Variants in SLIT2 observed in about 807,000 individuals in gnomAD.
The protein encoded by SLIT2 is slit homolog 2 protein.
Under a neutral mutation model 185.7 loss-of-function variants are expected in SLIT2, and 41 were observed. The ratio of observed to expected loss-of-function variants is 0.22; its 90% CI spans 0.17 to 0.29. The LOEUF (loss-of-function observed/expected upper bound fraction) is 0.29. SLIT2 is among the 10% of genes least tolerant of loss of function. The pLI is 1.00. For synonymous variants in SLIT2, 693 were observed against 680.2 expected (o/e 1.02, Z -0.29); for missense variants, 1,571 against 1,909.0 (o/e 0.82, Z 3.30).
intron 9 of SLIT2, among the ~76,000 whole-genome samples, chr4:20,498,327 T>C (rs1718417551): frequency 6.6e-6 from 1 of 152,250 alleles, no homozygotes; most frequent in South Asian, 2.1e-4. Flanking sequence ...CCCAGCACTT[T>C]GCTGCGTTGA....
At chr4:20,551,331 C>T (rs1723730585) in intron 25 of SLIT2, among the ~76,000 whole-genome samples, 1 of 152,150 alleles carries the variant, frequency 6.6e-6, no homozygotes, top group South Asian at 2.1e-4. Flanking sequence ...TCAACTGTGG[C>T]ACCACACAAA....
rs182889614 is a variant in SLIT2 at position 20,523,308 on chromosome 4, T to A, written c.1131-452T>A. 1.9e-3 allele frequency among the ~76,000 whole-genome samples: 282 copies of A among 152,304 alleles called. 1 individual carries two copies. Among genetic ancestry groups the A allele is most frequent in the African/African-American group, 6.4e-3 (266 of 41,560 alleles). On this transcript the variant is annotated intron_variant, in intron 12 of 36. Coordinates refer to ENST00000504154, the MANE Select transcript of SLIT2 (RefSeq NM_004787.4). ...AGCCAATTGGGAGCTGTCGCATGGT[T>A]CTGAGAAAGGGGTGACATGATCTAT... is the stretch of plus-strand genomic sequence containing the variant.
intron 4 of SLIT2, among the ~76,000 whole-genome samples, chr4:20,276,609 A>AACAG (rs1714191843): frequency 6.6e-6 from 1 of 151,934 alleles, no homozygotes; most frequent in Admixed American, 6.6e-5. Flanking sequence ...CAAACAAACA[A>AACAG]AAACTTAAAA....
intron 4 of SLIT2, among the ~76,000 whole-genome samples, chr4:20,289,141 C>A (rs1184695604): frequency 1.3e-5 from 2 of 152,184 alleles, no homozygotes; most frequent in Non-Finnish European, 2.9e-5. Context: ...TGTCCGTACT[C>A]TCCAATTAAG....
chr4:20,539,378 A>G, intron 18 of SLIT2, 63 bp from the exon 19 acceptor site: 1 of 1,483,096 alleles, frequency 6.7e-7, no homozygotes, highest in Non-Finnish European at 9.1e-7. Context: ...TTCGATCCTC[A>G]GATAGGCAAA....
intron 9 of SLIT2, among the ~76,000 whole-genome samples, chr4:20,503,428 A>G (rs1718911919): frequency 6.6e-6 from 1 of 152,168 alleles, no homozygotes; most frequent in African/African-American, 2.4e-5. Flanking sequence ...AATTTTTGTT[A>G]TTAATGAGAA....
At chr4:20,493,501 T>G (rs1458860635) in intron 9 of SLIT2, among the ~76,000 whole-genome samples, 1 of 152,120 alleles carries the variant, frequency 6.6e-6, no homozygotes, top group Non-Finnish European at 1.5e-5. Flanking sequence ...TGAAAACTAT[T>G]AAATGAGATA....
At chr4:20,294,049 G>A (rs558208385) in intron 4 of SLIT2, among the ~76,000 whole-genome samples, 120 of 151,736 alleles carry the variant, frequency 7.9e-4, no homozygotes, top group Non-Finnish European at 1.4e-3. Flanking sequence ...TTTGTCTTTA[G>A]AAAGTACCCA....
In SLIT2 at chr4:20,518,557, G is replaced by GTGTGTATATATATATATATATATATA. The variant is rs1271279922; in HGVS notation, c.1059-824_1059-823insGTGTATATATATATATATATATATAT. On this transcript the variant is annotated intron_variant, in intron 11 of 36. Transcript: ENST00000504154. ...ATGAGCCACTGTGCCCAGCCTATAT[G>GTGTGTATATATATATATATATATATA]TATATATATATATATATATATATAT... Among the ~76,000 whole-genome samples, 6 of 17,862 alleles carry GTGTGTATATATATATATATATATATA rather than the reference G, an allele frequency of 3.4e-4. 1 individual carries two copies. Among genetic ancestry groups the GTGTGTATATATATATATATATATATA allele is most frequent in the Admixed American group, 2.1e-3 (2 of 954 alleles). 11.7% of individuals were successfully genotyped at this position (17,862 alleles called of 152,430 possible).
At position 20,370,329 on chromosome 4, in the gene SLIT2, T is replaced by C. The variant is rs138080631; in HGVS notation, c.396-97423T>C. On this transcript the variant is annotated intron_variant, in intron 4 of 36. Transcript: ENST00000504154. ...TATTTCAATCGATTATCTTTTTCCT[T>C]GTCTTTCTGGTCTACTAATTCAACT... 8.6e-3 allele frequency among the ~76,000 whole-genome samples: 1,304 copies of C among 152,246 alleles called. 18 individuals carry two copies. The highest frequency in any genetic ancestry group is 0.041 in the Middle Eastern group (12 of 294).
At chr4:20,435,147 C>A in intron 4 of SLIT2, among the ~76,000 whole-genome samples, 1 of 152,184 alleles carries the variant, frequency 6.6e-6, no homozygotes, top group East Asian at 1.9e-4. Flanking sequence ...TTCCTGAGAT[C>A]ATTCATTCAC....
At chr4:20,579,733 A>G (rs1188990172) in intron 29 of SLIT2, among the ~76,000 whole-genome samples, 1 of 151,942 alleles carries the variant, frequency 6.6e-6, no homozygotes, top group African/African-American at 2.4e-5. Flanking sequence ...AACTAATTAT[A>G]TAATCAGTAA....
rs115396142 is a variant in SLIT2, at chr4:20,491,736, T to C, written c.776-25T>C. On this transcript the variant is annotated intron_variant, in intron 8 of 36. Coordinates refer to ENST00000504154, the MANE Select transcript of SLIT2 (RefSeq NM_004787.4). ...ATTATGATATTCAGGAGGAAAAATA[T>C]AATTCCTGTTTATTTCTTTTTTAGG... The C allele has an allele frequency of 6.0e-4, 953 of 1,600,374 alleles. 5 individuals are homozygous for C. The African/African-American group carries it at 0.011, about 19-fold the overall frequency.
intron 4 of SLIT2, among the ~76,000 whole-genome samples, chr4:20,402,663 C>T (rs1200968648): frequency 6.6e-6 from 1 of 151,730 alleles, no homozygotes; most frequent in Non-Finnish European, 1.5e-5. Context: ...GCTTTTGTTT[C>T]CTTTATCACA....
At chr4:20,345,153 A>G (rs1024534830) in intron 4 of SLIT2, among the ~76,000 whole-genome samples, 1 of 152,234 alleles carries the variant, frequency 6.6e-6, no homozygotes, top group Non-Finnish European at 1.5e-5. Flanking sequence ...GCATCCTATG[A>G]GGCAGGTAAG....
chr4:20,386,383 A>T (rs1724938104), intron 4 of SLIT2, among the ~76,000 whole-genome samples: 1 of 152,220 alleles, frequency 6.6e-6, no homozygotes, highest in African/African-American at 2.4e-5. Flanking sequence ...CTTCTTTAAT[A>T]ACGGGTTGTG....
intron 4 of SLIT2, among the ~76,000 whole-genome samples, chr4:20,443,475 T>C (rs754516792): frequency 2.3e-4 from 35 of 151,542 alleles, no homozygotes; most frequent in Non-Finnish European, 3.8e-4. Context: ...AGCAGATAAC[T>C]TTTAGCTCAG....
At chr4:20,490,641 G>GT (rs1224859779) in intron 8 of SLIT2, among the ~76,000 whole-genome samples, 1 of 152,018 alleles carries the variant, frequency 6.6e-6, no homozygotes, top group African/African-American at 2.4e-5. Flanking sequence ...CCTTGTTTGT[G>GT]TTTTTTCACA....
chr4:20,559,561 A>G (rs1724529797), intron 26 of SLIT2, among the ~76,000 whole-genome samples: 1 of 151,992 alleles, frequency 6.6e-6, no homozygotes, highest in Non-Finnish European at 1.5e-5. Flanking sequence ...TACTACCACT[A>G]CAAATAATAA....
Sources: gnomAD v4.1 joint callset for allele counts (sites outside exome capture counted in the v4.1 genomes callset) on GRCh38, gnomAD v4.1.1 for gene constraint, MANE v1.5 for transcripts, NCBI Gene and HGNC (gene_info 2026-07-23, HGNC 2026-07-21) for gene names.